ARHGEF3: variants seen among roughly 807,000 people sequenced by gnomAD.
The protein encoded by ARHGEF3 is 59.8 kDA protein.
In ARHGEF3, 28 loss-of-function variants were observed where a neutral mutation model predicts 63.2. The ratio of observed to expected loss-of-function variants is 0.44; its 90% confidence interval spans 0.33 to 0.61. ARHGEF3 has a LOEUF of 0.61. ARHGEF3 is among the 20% of genes least tolerant of loss of function. The pLI, the probability that ARHGEF3 is intolerant of heterozygous loss-of-function variation, is 0.03. For missense variants in ARHGEF3, 533 were observed against 659.3 expected (o/e 0.81, Z 2.10); for synonymous variants, 266 against 254.2 (o/e 1.05, Z -0.44).
intron 1 of ARHGEF3, among the ~76,000 whole-genome samples, chr3:56,789,868 A>G (rs1246171627): frequency 6.6e-6 from 1 of 152,256 alleles, no homozygotes; most frequent in Non-Finnish European, 1.5e-5. Flanking sequence ...CAGGGAAATT[A>G]TCAAGTGATG....
rs113699241 is a variant in ARHGEF3 at position 57,029,831 on chromosome 3, T to G, written c.62+5257A>C. Among the ~76,000 whole-genome samples the G allele has an allele frequency of 5.6e-3, 860 of 152,236 alleles. 14 individuals carry two copies. Among genetic ancestry groups the G allele is most frequent in the African/African-American group, 0.02 (825 of 41,530 alleles). On this transcript the variant is annotated intron_variant, in intron 2 of 12. Transcript: ENST00000338458. The stretch of plus-strand genomic sequence containing the variant: ...CCAAGGTCAGAGGAGTTTGCAAACC[T>G]CGGGCTCTTGCTCTCCCTTATGTTG...
intron 1 of ARHGEF3, among the ~76,000 whole-genome samples, chr3:57,055,424 A>G (rs1704881920): frequency 6.6e-6 from 1 of 152,136 alleles, no homozygotes; most frequent in Non-Finnish European, 1.5e-5. Flanking sequence ...GGCCTCCCAG[A>G]GTGCCAGGAT....
chr3:56,756,199 T>G (rs369841010), intron 2 of ARHGEF3, among the ~76,000 whole-genome samples: 12 of 152,322 alleles, frequency 7.9e-5, no homozygotes, highest in South Asian at 6.2e-4. Context: ...TCATTTTCAG[T>G]CTTCATCCTA....
intron 1 of ARHGEF3, among the ~76,000 whole-genome samples, chr3:57,078,177 C>T (rs1230308825): frequency 6.6e-6 from 1 of 152,158 alleles, no homozygotes; most frequent in African/African-American, 2.4e-5. Flanking sequence ...CATAGGTAAG[C>T]GAAGTAACTT....
At chr3:56,751,964 C>A (rs1312986354) in intron 4 of ARHGEF3, among the ~76,000 whole-genome samples, 1 of 152,138 alleles carries the variant, frequency 6.6e-6, no homozygotes, top group Non-Finnish European at 1.5e-5. Flanking sequence ...AGTCTCCTAC[C>A]TTCAAGGAAT....
intron 3 of ARHGEF3, among the ~76,000 whole-genome samples, chr3:56,929,673 G>A (rs543752801): frequency 6.6e-6 from 1 of 152,190 alleles, no homozygotes; most frequent in East Asian, 1.9e-4. Context: ...CCATAGTCAC[G>A]GTGACAAGTG....
At chr3:56,966,427 G>T (rs1700497746) in intron 2 of ARHGEF3, among the ~76,000 whole-genome samples, 1 of 152,178 alleles carries the variant, frequency 6.6e-6, no homozygotes, top group African/African-American at 2.4e-5. Context: ...GTATTTCTTA[G>T]TCTTTTACTA....
At chr3:56,862,756 C>G (rs979761672) in intron 4 of ARHGEF3, among the ~76,000 whole-genome samples, 27 of 152,166 alleles carry the variant, frequency 1.8e-4, no homozygotes, top group African/African-American at 4.6e-4. Context: ...GCTGAGCATG[C>G]CTGTTACAAC....
intron 2 of ARHGEF3, among the ~76,000 whole-genome samples, chr3:57,001,975 G>C (rs1305388789): frequency 7.7e-6 from 1 of 130,256 alleles, no homozygotes; most frequent in Non-Finnish European, 1.5e-5. Flanking sequence ...CCAGGCTGGA[G>C]TGCAGTGGCG....
chr3:57,056,401 A>G (rs556183634), intron 1 of ARHGEF3, among the ~76,000 whole-genome samples: 44 of 151,218 alleles, frequency 2.9e-4, no homozygotes, highest in African/African-American at 1.0e-3. Context: ...AAAAAAAAAA[A>G]AAGAAGCAGA....
At chr3:56,860,827 C>T (rs2040048058) in intron 4 of ARHGEF3, among the ~76,000 whole-genome samples, 2 of 152,180 alleles carry the variant, frequency 1.3e-5, no homozygotes, top group East Asian at 1.9e-4. Flanking sequence ...TGGGGGATGA[C>T]GTGATTAATA....
chr3:57,036,230 G>C (rs150158187), intron 1 of ARHGEF3, among the ~76,000 whole-genome samples: 1 of 152,158 alleles, frequency 6.6e-6, no homozygotes. Context: ...CAAGAGCAGA[G>C]CACTGGGCAC....
chr3:56,798,482 G>A (rs927695619), intron 1 of ARHGEF3, among the ~76,000 whole-genome samples: 8 of 150,898 alleles, frequency 5.3e-5, no homozygotes, highest in Non-Finnish European at 5.9e-5. Context: ...CAAGGCTCTA[G>A]CTTCCTTAGC....
chr3:56,889,347 C>T (rs944620881), intron 3 of ARHGEF3, among the ~76,000 whole-genome samples: 2 of 152,266 alleles, frequency 1.3e-5, no homozygotes, highest in East Asian at 1.9e-4. Context: ...AATAGCGTGT[C>T]CTTACCTGGC....
intron 1 of ARHGEF3, among the ~76,000 whole-genome samples, chr3:56,777,285 A>G (rs2036328910): frequency 6.6e-6 from 1 of 152,360 alleles, no homozygotes; most frequent in South Asian, 2.1e-4. Flanking sequence ...AGGACAAGGA[A>G]AGAAAAAAAG....
At chr3:57,074,655 G>C (rs574888765) in intron 1 of ARHGEF3, 1 of 202,388 alleles carries the variant, frequency 4.9e-6, no homozygotes, top group South Asian at 1.2e-4. Context: ...TTCTATCAAA[G>C]CCTGCTAAGT....
At chr3:56,988,393 C>T (rs973870590) in intron 2 of ARHGEF3, among the ~76,000 whole-genome samples, 6 of 152,102 alleles carry the variant, frequency 3.9e-5, no homozygotes, top group Non-Finnish European at 7.3e-5. Flanking sequence ...GTGATCCACC[C>T]GCTTCGGCCT....
At chr3:56,922,477 T>C (rs2042169081) in intron 3 of ARHGEF3, among the ~76,000 whole-genome samples, 1 of 126,378 alleles carries the variant, frequency 7.9e-6, no homozygotes, top group Non-Finnish European at 1.6e-5. Context: ...GTGGAAAATC[T>C]GAATATGGGG....
intron 6 of ARHGEF3, among the ~76,000 whole-genome samples, chr3:56,748,549 AT>A (rs71072193): frequency 0.021 from 2,903 of 136,612 alleles, 46 homozygotes; most frequent in African/African-American, 0.059. Context: ...GAAAAAATCT[AT>A]TTTTTTTTTT....
Sources: allele counts gnomAD v4.1 joint callset (sites outside exome capture counted in the v4.1 genomes callset), GRCh38; gene constraint gnomAD v4.1.1; transcripts MANE v1.5; gene names NCBI Gene and HGNC (gene_info 2026-07-23, HGNC 2026-07-21).